METTL6: variants seen among roughly 807,000 people sequenced by gnomAD.
METTL6 encodes methyltransferase 6, tRNA N3-cytidine, also known as tRNA N(3)-cytidine methyltransferase METTL6.
METTL6 carries 22 observed loss-of-function variants against 26.4 expected under a neutral mutation model. The observed-to-expected ratio is 0.83, with a 90% CI of 0.59 to 1.19. The LOEUF (loss-of-function observed/expected upper bound fraction) is 1.19. Ranked by LOEUF, METTL6 falls within the 50% of genes most tolerant of loss-of-function variation. The pLI is 0.00. For missense variants in METTL6, 304 were observed against 324.8 expected, an observed-to-expected ratio of 0.94 and a Z score of 0.49; for synonymous variants, 109 against 116.2, an observed-to-expected ratio of 0.94 and a Z score of 0.40.
At chr3:15,419,115 C>T (rs2061553629) in intron 3 of METTL6, among the ~76,000 whole-genome samples, 2 of 151,778 alleles carry the variant, frequency 1.3e-5, no homozygotes, top group Admixed American at 1.3e-4. Context: ...CTGCAATTTG[C>T]ACCACTATAC....
At chr3:15,425,125 A>G (rs1479520530) in intron 2 of METTL6, 36 bp from the exon 3 acceptor site, 2 of 1,605,748 alleles carry the variant, frequency 1.2e-6, no homozygotes, top group Admixed American at 3.5e-5. Flanking sequence ...AGTATATCAC[A>G]TTTGCATAAT....
chr3:15,385,535 T>A (rs2124885798), intron 6 of METTL6, among the ~76,000 whole-genome samples: 1 of 152,038 alleles, frequency 6.6e-6, no homozygotes, highest in Admixed American at 6.5e-5. Context: ...GAGGCAGAGG[T>A]TGCAGTGAGC....
Position 15,424,996 on chromosome 3 carries a change from A to T in METTL6, c.319T>A (p.Tyr107Asn). Residue 107 changes from tyrosine to asparagine, a missense_variant, in exon 3 of 6, where the codon TAT (tyrosine) becomes AAT (asparagine). Physicochemically the swap from Tyr to Asn is moderately radical, Grantham distance 143. Coordinates refer to ENST00000383790, the MANE Select transcript of METTL6 (RefSeq NM_152396.4). ...GCTCTTGGAGAAAAATCACAGGCAT[A>T]GGCAAAGATATTCGGATCTTCTTCT... ...LLEEDPNIFA[Y>N]ACDFSPRAIE... 1 of 1,614,232 alleles carries T rather than the reference A, an allele frequency of 6.2e-7. No homozygotes were observed. Among genetic ancestry groups the T allele is most frequent in the Non-Finnish European group, 8.5e-7 (1 of 1,180,042 alleles).
Position 15,415,865 on chromosome 3 carries a change from T to C in METTL6, c.438A>G (p.Val146=). ...DLTKDDLLDH[V]PPESVDVVML... ...TAACAACATCCACAGACTCTGGCGG[T>C]ACATGATCCAGAAGATCATCTTTAG... Residue 146 remains valine (V), a synonymous_variant, in exon 4 of 6, where the codon GTA becomes GTG. Transcript: ENST00000383790. 1 of 1,614,190 alleles carries C rather than the reference T, an allele frequency of 6.2e-7. No homozygotes were observed. Among genetic ancestry groups the C allele is most frequent in the Non-Finnish European group, 8.5e-7 (1 of 1,180,022 alleles).
intron 3 of METTL6, among the ~76,000 whole-genome samples, chr3:15,423,664 G>C (rs1559498722): frequency 6.6e-6 from 1 of 152,200 alleles, no homozygotes; most frequent in Non-Finnish European, 1.5e-5. Flanking sequence ...TTTGAGCCCA[G>C]AAGTTCGAGA....
In METTL6 at chr3:15,425,002, A is replaced by T. The variant is rs768334008; in HGVS notation, c.313T>A (p.Phe105Ile). ...FPLLEEDPNI[F>I]AYACDFSPRA... ...GGAGAAAAATCACAGGCATAGGCAA[A>T]GATATTCGGATCTTCTTCTAAAAGT... Residue 105 changes from phenylalanine to isoleucine, a missense_variant, in exon 3 of 6, where the codon TTT becomes ATT. Physicochemically the swap from Phe to Ile is conservative, Grantham distance 21. Transcript: ENST00000383790. 24 of 1,614,246 alleles carry T rather than the reference A, an allele frequency of 1.5e-5. No homozygotes were observed. In the South Asian group the frequency reaches 2.4e-4, roughly 16 times the overall value.
At chr3:15,403,420 A>T (rs1699701560) in intron 6 of METTL6, among the ~76,000 whole-genome samples, 1 of 152,158 alleles carries the variant, frequency 6.6e-6, no homozygotes, top group South Asian at 2.1e-4. Flanking sequence ...TGCTCCAAGG[A>T]GCTACGTGTC....
At chr3:15,383,097 G>A (rs746405954) in exon 7 of METTL6, 1 of 152,120 alleles carries the variant, frequency 6.6e-6, no homozygotes, top group Non-Finnish European at 1.5e-5. Context: ...ATACTTTGAA[G>A]GAGCATCTGG....
At chr3:15,419,515 G>A (rs1044495020) in intron 3 of METTL6, among the ~76,000 whole-genome samples, 10 of 151,926 alleles carry the variant, frequency 6.6e-5, no homozygotes, top group African/African-American at 2.4e-4. Flanking sequence ...TGGTAATAAG[G>A]AAAAAACAAA....
chr3:15,418,486 C>T (rs2061540511), intron 3 of METTL6, among the ~76,000 whole-genome samples: 1 of 152,004 alleles, frequency 6.6e-6, no homozygotes, highest in Admixed American at 6.6e-5. Context: ...AGAAATTACA[C>T]AAACTGAAAA....
At chr3:15,389,930 G>C (rs1222432016) in intron 6 of METTL6, among the ~76,000 whole-genome samples, 1 of 148,624 alleles carries the variant, frequency 6.7e-6, no homozygotes, top group African/African-American at 2.5e-5. Flanking sequence ...ATAGCTCAGT[G>C]CATCCCTGAA....
intron 6 of METTL6, among the ~76,000 whole-genome samples, chr3:15,397,155 T>C (rs1414757776): frequency 6.6e-6 from 1 of 152,178 alleles, no homozygotes; most frequent in African/African-American, 2.4e-5. Flanking sequence ...CCCAACCGCT[T>C]TGTTTACCTA....
downstream of METTL6, among the ~76,000 whole-genome samples, chr3:15,406,132 A>AT (rs554212805): frequency 6.6e-6 from 1 of 151,966 alleles, no homozygotes; most frequent in Non-Finnish European, 1.5e-5. Flanking sequence ...TATTTATACT[A>AT]TTTTTTATAG....
chr3:15,425,607 A>G (rs115043421), intron 2 of METTL6, among the ~76,000 whole-genome samples: 3,368 of 152,332 alleles, frequency 0.022, 110 homozygotes, highest in African/African-American at 0.075. Context: ...AATTCAGAAC[A>G]TAGGGTCTCA....
chr3:15,400,806 C>T (rs1415507923), intron 6 of METTL6, among the ~76,000 whole-genome samples: 1 of 152,334 alleles, frequency 6.6e-6, no homozygotes, highest in East Asian at 1.9e-4. Context: ...TTGCTTCCTT[C>T]TTGTGCGTGA....
chr3:15,415,364 C>T lies in METTL6; in HGVS notation c.531+408G>A, dbSNP rs940389798. 13 of 785,410 alleles carry T rather than the reference C, an allele frequency of 1.7e-5. No individual in the cohort carries two copies. In the African/African-American group the frequency reaches 1.9e-4, roughly 11 times the overall value. 48.7% of individuals were successfully genotyped at this position (785,410 alleles called of 1,614,324 possible). On this transcript the variant is annotated intron_variant, in intron 4 of 5. Transcript: ENST00000383790. Reference sequence around the variant, plus strand: ...TTTAGACAAGGTCTTGCTATGTTGGCCAGGCTGGTTTCAAACTCCTGACCT... The same window carrying T: ...TTTAGACAAGGTCTTGCTATGTTGGTCAGGCTGGTTTCAAACTCCTGACCT...
At chr3:15,383,121 G>A (rs1412231450) in exon 7 of METTL6, 1 of 152,174 alleles carries the variant, frequency 6.6e-6, no homozygotes, top group East Asian at 1.9e-4. Flanking sequence ...TTTACCCCCA[G>A]ATATGGCTCC....
chr3:15,400,083 G>A (rs993631498), intron 6 of METTL6, among the ~76,000 whole-genome samples: 4 of 152,048 alleles, frequency 2.6e-5, no homozygotes, highest in African/African-American at 7.2e-5. Context: ...ATTGTGGGTC[G>A]ACACGTCCCA....
At chr3:15,386,787 G>A (rs954508807) in intron 6 of METTL6, among the ~76,000 whole-genome samples, 1 of 151,502 alleles carries the variant, frequency 6.6e-6, no homozygotes, top group South Asian at 2.1e-4. Context: ...CCAGTTTTCG[G>A]TGTTTCCTTT....
Sources: allele counts gnomAD v4.1 joint callset (sites outside exome capture counted in the v4.1 genomes callset), GRCh38; gene constraint gnomAD v4.1.1; transcripts MANE v1.5; gene names NCBI Gene and HGNC (gene_info 2026-07-23, HGNC 2026-07-21).